The following MTA3 variants were observed in gnomAD, a reference collection of about 807,000 sequenced individuals.
MTA3 encodes the protein metastasis-associated protein MTA3.
In MTA3, 34 loss-of-function variants were observed where a neutral mutation model predicts 83.5. That is an observed-to-expected ratio of 0.41 (90% CI 0.31 to 0.54). The LOEUF (loss-of-function observed/expected upper bound fraction) is 0.54. MTA3 is among the 20% of genes least tolerant of loss of function. The probability of loss-of-function intolerance (pLI) is 0.33; values close to 1 mark genes in which losing one functional copy is unlikely to be tolerated. For missense variants in MTA3, 761 were observed against 726.4 expected (o/e 1.05, Z -0.55); for synonymous variants, 303 against 252.7 (o/e 1.20, Z -1.89).
intron 3 of MTA3, among the ~76,000 whole-genome samples, chr2:42,595,948 T>A (rs1401144299): frequency 1.3e-5 from 2 of 152,156 alleles, no homozygotes; most frequent in Admixed American, 1.3e-4. Context: ...CTGAAAGCAT[T>A]TGTCTGTGAT....
intron 4 of MTA3, among the ~76,000 whole-genome samples, chr2:42,638,178 G>A (rs1687368321): frequency 6.6e-6 from 1 of 151,992 alleles, no homozygotes; most frequent in Non-Finnish European, 1.5e-5. Context: ...AGTATCAAAT[G>A]TTAGAAATAT....
intron 9 of MTA3, among the ~76,000 whole-genome samples, chr2:42,687,122 G>T (rs1217531877): frequency 2.0e-5 from 3 of 152,066 alleles, no homozygotes; most frequent in Non-Finnish European, 4.4e-5. Flanking sequence ...ATGAGACTCT[G>T]TCTCCACAAA....
rs1384358593 is a variant in MTA3, at chr2:42,577,127, TATATATAA to T, written c.97-1978_97-1971del. Reference sequence around the variant, plus strand: ...AAAAATATATATATATATATATATATATATATAAAAATGAACTCTTAATTGCTGTAATG... The same window carrying T: ...AAAAATATATATATATATATATATATAAATGAACTCTTAATTGCTGTAATG... On this transcript the variant is annotated intron_variant, in intron 2 of 16. Transcript: ENST00000405094. Among the ~76,000 whole-genome samples the T allele has an allele frequency of 8.7e-4, 102 of 116,752 alleles. 18 individuals carry two copies. The highest frequency in any genetic ancestry group is 1.4e-3 in the African/African-American group (41 of 29,274). The allele number at this position is 116,752 out of a possible 152,430, so 76.6% of individuals were successfully genotyped here.
intron 8 of MTA3, among the ~76,000 whole-genome samples, chr2:42,674,263 G>C (rs191717184): frequency 5.7e-4 from 87 of 152,346 alleles, no homozygotes; most frequent in African/African-American, 1.9e-3. Flanking sequence ...GGAGGTGTGG[G>C]GGAGGGAATG....
At chr2:42,533,491 T>TC (rs1320592594) in intron 2 of MTA3, 1 of 151,102 alleles carries the variant, frequency 6.6e-6, no homozygotes, top group African/African-American at 2.4e-5. Flanking sequence ...AGATTCTGTT[T>TC]CTTTTCCTTT....
chr2:42,751,912 T>C (rs17029927), intron 16 of MTA3, among the ~76,000 whole-genome samples: 5,240 of 152,218 alleles, frequency 0.034, 288 homozygotes, highest in African/African-American at 0.12. Flanking sequence ...AGGATGCTCT[T>C]ACTGGGCTGT....
intron 2 of MTA3, among the ~76,000 whole-genome samples, chr2:42,551,704 A>C (rs1677115590): frequency 6.6e-6 from 1 of 151,926 alleles, no homozygotes; most frequent in African/African-American, 2.4e-5. Flanking sequence ...TTACAATGTT[A>C]AATAGGATGG....
chr2:42,708,382 A>G (rs1666292472), intron 13 of MTA3, among the ~76,000 whole-genome samples: 1 of 152,232 alleles, frequency 6.6e-6, no homozygotes, highest in African/African-American at 2.4e-5. Flanking sequence ...TTACTACATA[A>G]AGTCATAAAT....
intron 8 of MTA3, among the ~76,000 whole-genome samples, chr2:42,672,339 C>G (rs1241349072): frequency 1.4e-5 from 2 of 140,482 alleles, no homozygotes; most frequent in Admixed American, 1.4e-4. Flanking sequence ...GTCCTCCTCT[C>G]TATTAAAAAA....
intron 8 of MTA3, among the ~76,000 whole-genome samples, chr2:42,667,452 A>G (rs72865336): frequency 0.016 from 2,493 of 152,012 alleles, 63 homozygotes; most frequent in African/African-American, 0.056. Flanking sequence ...TTTTGTCTCT[A>G]TGAATTTGAC....
In MTA3 at chr2:42,604,355, C is replaced by CT. The variant is rs1323323650; in HGVS notation, c.191-5101dup. Among the ~76,000 whole-genome samples the CT allele has an allele frequency of 2.6e-5, 4 of 152,300 alleles. No individual in the cohort carries two copies. The East Asian group carries it at 5.8e-4, about 22-fold the overall frequency. On this transcript the variant is annotated intron_variant, in intron 3 of 16. Coordinates refer to ENST00000405094, the MANE Select transcript of MTA3 (RefSeq NM_001330442.2). ...ACTGCGCCCGGCGTCCAGTGTAACTCTTAAGTTTAGTCTCCCATCCACTTT... is the reference window on the plus strand; with the variant it reads ...ACTGCGCCCGGCGTCCAGTGTAACTCTTTAAGTTTAGTCTCCCATCCACTTT...
chr2:42,701,596 CA>C (rs576441438), intron 11 of MTA3, among the ~76,000 whole-genome samples: 2 of 151,278 alleles, frequency 1.3e-5, no homozygotes, highest in Non-Finnish European at 1.5e-5. Flanking sequence ...GACCCTCTCT[CA>C]AAAAAAAGAA....
chr2:42,628,206 TTTTA>T (rs144338385), intron 4 of MTA3, among the ~76,000 whole-genome samples: 40,610 of 142,400 alleles, frequency 0.29, 5,987 homozygotes, highest in South Asian at 0.39. Flanking sequence ...CTTCTTATCG[TTTTA>T]TTTATTTATT....
chr2:42,572,711 G>A (rs1195885015), intron 2 of MTA3, among the ~76,000 whole-genome samples: 1 of 152,098 alleles, frequency 6.6e-6, no homozygotes, highest in Non-Finnish European at 1.5e-5. Context: ...TGCAGGAGAA[G>A]AAACTTTTGT....
chr2:42,690,443 T>C (rs1162572243), intron 9 of MTA3, among the ~76,000 whole-genome samples: 2 of 152,148 alleles, frequency 1.3e-5, no homozygotes, highest in African/African-American at 4.8e-5. Context: ...TTCTGTCTAC[T>C]TTTGGTTTTT....
rs1000646832 is a variant in MTA3, at chr2:42,559,375, G to C, written c.-140-11062G>C. On this transcript the variant is annotated intron_variant, in intron 2 of 17. Coordinates refer to the MTA3 transcript ENST00000405592. The stretch of plus-strand genomic sequence containing the variant: ...AAATTAGCCAGGCGTGGTGGTGTGC[G>C]CCTGTAATCCCAGCTACTCTGGAGG... Among the ~76,000 whole-genome samples the C allele has an allele frequency of 1.3e-5, 2 of 151,524 alleles. 1 individual carries two copies. Among genetic ancestry groups the C allele is most frequent in the Non-Finnish European group, 2.9e-5 (2 of 67,934 alleles).
intron 2 of MTA3, among the ~76,000 whole-genome samples, chr2:42,554,820 G>C (rs1246666913): frequency 1.3e-5 from 2 of 152,240 alleles, no homozygotes; most frequent in Non-Finnish European, 2.9e-5. Context: ...GTATCAGGTG[G>C]GATGGGAAGA....
At chr2:42,677,048 C>CT (rs567405135) in intron 8 of MTA3, among the ~76,000 whole-genome samples, 3 of 152,010 alleles carry the variant, frequency 2.0e-5, no homozygotes, top group Non-Finnish European at 4.4e-5. Context: ...CTGAATCAGA[C>CT]TTTTTTTTCT....
At chr2:42,571,448 C>A (rs1370087767) in intron 2 of MTA3, among the ~76,000 whole-genome samples, 1 of 150,678 alleles carries the variant, frequency 6.6e-6, no homozygotes, top group African/African-American at 2.4e-5. Flanking sequence ...TTCTGAATTC[C>A]GAATATTCTT....
Sources: gnomAD v4.1 joint callset for allele counts (sites outside exome capture counted in the v4.1 genomes callset) on GRCh38, gnomAD v4.1.1 for gene constraint, MANE v1.5 for transcripts, NCBI Gene and HGNC (gene_info 2026-07-23, HGNC 2026-07-21) for gene names.